MCM4: variants seen among roughly 807,000 people sequenced by gnomAD.
MCM4 encodes the protein minichromosome maintenance complex component 4, also known as DNA replication licensing factor MCM4.
A neutral mutation model predicts 88.7 loss-of-function variants in MCM4; 60 were observed. That is an observed-to-expected ratio of 0.68 (90% CI 0.55 to 0.84). The LOEUF (loss-of-function observed/expected upper bound fraction) is 0.84. Ranked by LOEUF, MCM4 falls within the 40% of genes least tolerant of loss-of-function variation. MCM4 has a pLI of 0.00. For synonymous variants in MCM4, 465 were observed against 410.5 expected (o/e 1.13, Z -1.61); for missense variants, 1,149 against 1,105.5 (o/e 1.04, Z -0.56).
At chr8:47,964,512 GCCTTTATTATATTT>G in intron 7 of MCM4, 48 bp from the exon 8 acceptor site, 1 of 1,309,896 alleles carries the variant, frequency 7.6e-7, no homozygotes, top group Non-Finnish European at 1.0e-6. Flanking sequence ...AATCTGACAT[GCCTTTATTATATTT>G]AACACTGAGA....
intron 13 of MCM4, among the ~76,000 whole-genome samples, 199 bp from the exon 14 acceptor site, chr8:47,972,658 G>A (rs1363981631): frequency 6.6e-6 from 1 of 152,050 alleles, no homozygotes; most frequent in Non-Finnish European, 1.5e-5. Context: ...CCAGGTTCAA[G>A]CGATTCTCCT....
chr8:47,962,065 A>G lies in MCM4; in HGVS notation c.248A>G (p.Asp83Gly), dbSNP rs1320386040. 1 of 1,614,010 alleles carries G rather than the reference A, an allele frequency of 6.2e-7. No homozygotes were observed. The highest frequency in any genetic ancestry group is 2.2e-5 in the East Asian group (1 of 44,886). Residue 83 changes from aspartate (D) to glycine (G), a missense_variant, in exon 4 of 17, where the codon GAC becomes GGC. Around this residue, in one of 3 missense-constraint regions of MCM4, gnomAD observed 906 missense variants for 843.0 expected, o/e 1.07. Transcript: ENST00000649973. ...PQMHSSAIPL[D>G]FDVSSPLTYG... ...TTTGTTTTTATAGCTATCCCTCTTG[A>G]CTTTGATGTTAGTTCACCACTGACA... is the stretch of plus-strand genomic sequence containing the variant.
rs2091005120 is a variant in MCM4, at chr8:47,976,774, T to C, written c.2588T>C (p.Leu863Pro). 6.2e-7 allele frequency: 1 copy of C among 1,608,796 alleles called. No individual in the cohort carries two copies. Among genetic ancestry groups the C allele is most frequent in the Non-Finnish European group, 8.5e-7 (1 of 1,175,572 alleles). The change falls in exon 17 of 17, where the codon CTC (leucine) becomes CCC (proline). Residue 863 changes from leucine (L) to proline (P), a missense_variant. Coordinates refer to ENST00000649973, the MANE Select transcript of MCM4 (RefSeq NM_182746.3). ...LTVTGKTVRLL is the reference protein window; with the variant it reads ...LTVTGKTVRLP ...GTGACTGGGAAGACCGTGCGCTTGC[T>C]CTGAAGCCTTGTGAGCAAGGAAGGC... is the stretch of plus-strand genomic sequence containing the variant.
chr8:47,961,057 G>A (rs1444395921), intron 1 of MCM4, 43 bp downstream of exon 1: 3 of 1,386,230 alleles, frequency 2.2e-6, no homozygotes, highest in African/African-American at 3.0e-5. Context: ...GGAGCCGACG[G>A]GAACGTCCGC....
chr8:47,968,363 G>A (rs1387565826), intron 10 of MCM4, among the ~76,000 whole-genome samples: 1 of 152,220 alleles, frequency 6.6e-6, no homozygotes, highest in Non-Finnish European at 1.5e-5. Flanking sequence ...AGTACTTGAA[G>A]TCATGGAGAA....
Position 47,960,945 on chromosome 8 carries a change from T to G in MCM4, c.-84T>G. On this transcript the variant is annotated 5_prime_UTR_variant, in exon 1 of 17. Coordinates refer to ENST00000649973, the MANE Select transcript of MCM4 (RefSeq NM_182746.3). ...CCGGCGGGAACTCTGGGTCTCGCGG[T>G]TTGGGAGCGCTACTCGCCAGGTGGA... The G allele has an allele frequency of 1.1e-5, 6 of 525,170 alleles. No individual in the cohort carries two copies. Among genetic ancestry groups the G allele is most frequent in the Non-Finnish European group, 1.9e-5 (6 of 312,184 alleles). The allele number at this position is 525,170 out of a possible 1,614,324, so 32.5% of individuals were successfully genotyped here.
rs2090950532 is a variant in MCM4 at position 47,971,174 on chromosome 8, G to A, written c.1801-167G>A. On this transcript the variant is annotated intron_variant, in intron 12 of 16. Coordinates refer to ENST00000649973, the MANE Select transcript of MCM4 (RefSeq NM_182746.3). ...ACTCAGTCCTTGGCATGAATCTGAGGACAGGGCTTATCCAGGTGAACTGCT... is the reference window on the plus strand; with the variant it reads ...ACTCAGTCCTTGGCATGAATCTGAGAACAGGGCTTATCCAGGTGAACTGCT... 6.5e-6 allele frequency: 5 copies of A among 771,214 alleles called. No individual in the cohort carries two copies. In the East Asian group the frequency reaches 1.3e-4, roughly 21 times the overall value. The allele number at this position is 771,214 out of a possible 1,614,324, so 47.8% of individuals were successfully genotyped here.
At position 47,971,304 on chromosome 8, in the gene MCM4, A is replaced by G. The variant is rs753440009; in HGVS notation, c.1801-37A>G. On this transcript the variant is annotated intron_variant, in intron 12 of 16. Coordinates refer to ENST00000649973, the MANE Select transcript of MCM4 (RefSeq NM_182746.3). Reference sequence around the variant, plus strand: ...ACGGTGCTTGTTAATTGCCAGCGTCAGGGAGAGGCTTCTAACTGCACTCTT... The same window carrying G: ...ACGGTGCTTGTTAATTGCCAGCGTCGGGGAGAGGCTTCTAACTGCACTCTT... 1.1e-5 allele frequency: 17 copies of G among 1,611,604 alleles called. No homozygotes were observed. In the Admixed American group the frequency reaches 1.2e-4, roughly 11 times the overall value.
At position 47,969,920 on chromosome 8, in the gene MCM4, G is replaced by A; in HGVS notation, c.1297G>A (p.Asp433Asn). 1 of 1,614,250 alleles carries A rather than the reference G, an allele frequency of 6.2e-7. No homozygotes were observed. The highest frequency in any genetic ancestry group is 8.5e-7 in the Non-Finnish European group (1 of 1,180,052). The part of the protein sequence containing the change: ...KTDAKRLHGL[D>N]EEAEQKLFSE... ...GGATGCAAAACGTCTGCATGGCCTT[G>A]ATGAAGAAGCAGAACAGAAACTTTT... is the stretch of plus-strand genomic sequence containing the variant. Residue 433 changes from aspartate (D) to asparagine (N), a missense_variant, in exon 11 of 17, where the codon GAT becomes AAT. Asp to Asn is a conservative substitution (Grantham distance 23). This residue lies in a region of MCM4 where 906 missense variants were observed against 843.0 expected (regional missense o/e 1.07). Coordinates refer to ENST00000649973, the MANE Select transcript of MCM4 (RefSeq NM_182746.3).
chr8:47,974,984 G>A (rs987195034), intron 15 of MCM4, 22 bp downstream of exon 15: 25 of 1,573,326 alleles, frequency 1.6e-5, no homozygotes, highest in Non-Finnish European at 2.2e-5. Flanking sequence ...TCAGTGAACA[G>A]AAAAGCTTTT....
At chr8:47,963,593 G>T (rs1160895487) in intron 7 of MCM4, among the ~76,000 whole-genome samples, 3 of 152,172 alleles carry the variant, frequency 2.0e-5, no homozygotes, top group Non-Finnish European at 2.9e-5. Context: ...GTAGAAAAAT[G>T]ATGAATCTTA....
chr8:47,977,113 A>G lies in MCM4; in HGVS notation c.*335A>G, dbSNP rs2091008382. ...ACCCCGTCTCTAGTAAAGATAACAA[A>G]AAATTAGCTGGGCTTGATGGCATGC... On this transcript the variant is annotated 3_prime_UTR_variant, in exon 17 of 17. Coordinates refer to ENST00000649973, the MANE Select transcript of MCM4 (RefSeq NM_182746.3). 1.8e-5 allele frequency: 3 copies of G among 170,154 alleles called. No individual in the cohort carries two copies. The South Asian group carries it at 3.9e-4, about 22-fold the overall frequency. The allele number at this position is 170,154 out of a possible 1,614,324, so 10.5% of individuals were successfully genotyped here.
At chr8:47,966,688 A>C (rs2090901662) in intron 9 of MCM4, among the ~76,000 whole-genome samples, 1 of 152,240 alleles carries the variant, frequency 6.6e-6, no homozygotes, top group African/African-American at 2.4e-5. Context: ...AGATGAGAAT[A>C]CTTGGTTAAA....
intron 15 of MCM4, 158 bp from the exon 16 acceptor site, chr8:47,975,556 AG>A: frequency 2.0e-6 from 1 of 488,486 alleles, no homozygotes; most frequent in South Asian, 3.9e-5. Flanking sequence ...AGTGGCTTAC[AG>A]AAATTTCCAA....
At chr8:47,964,169 G>A (rs1435914841) in intron 7 of MCM4, among the ~76,000 whole-genome samples, 2 of 152,214 alleles carry the variant, frequency 1.3e-5, no homozygotes, top group Non-Finnish European at 2.9e-5. Flanking sequence ...GTTGCAGTGA[G>A]CCAAGATCAT....
Position 47,970,696 on chromosome 8 carries a change from A to G in MCM4, c.1620A>G (p.Ala540=), listed in dbSNP as rs2090945632. ...GQYTSGKGSS[A]VGLTAYVMKD... is the part of the protein sequence containing the mutation. ...ACACGTCTGGGAAGGGCTCCAGTGC[A>G]GTTGGCCTCACTGCGTACGTAATGA... Residue 540 remains alanine, a synonymous_variant, in exon 12 of 17, where the codon GCA becomes GCG. Transcript: ENST00000649973. 2 of 1,614,184 alleles carry G rather than the reference A, an allele frequency of 1.2e-6. No homozygotes were observed. Among genetic ancestry groups the G allele is most frequent in the African/African-American group, 1.3e-5 (1 of 75,040 alleles).
chr8:47,968,073 A>G (rs1375732158), intron 10 of MCM4, among the ~76,000 whole-genome samples: 1 of 152,182 alleles, frequency 6.6e-6, no homozygotes, highest in Admixed American at 6.5e-5. Flanking sequence ...TTGCTGCCAC[A>G]AGAGTGCTCT....
Position 47,977,867 on chromosome 8 carries a change from A to G in MCM4, c.*1089A>G, listed in dbSNP as rs2154505592. On this transcript the variant is annotated 3_prime_UTR_variant, in exon 17 of 17. Coordinates refer to ENST00000649973, the MANE Select transcript of MCM4 (RefSeq NM_182746.3). The stretch of plus-strand genomic sequence containing the variant: ...ATTGGAGATTATTAGATTCTAGGTT[A>G]ACTTCTACCACTTTACCCTAATACA... The G allele has an allele frequency of 6.6e-6, 1 of 152,266 alleles. No individual in the cohort carries two copies. Among genetic ancestry groups the G allele is most frequent in the East Asian group, 1.9e-4 (1 of 5,186 alleles). The allele number at this position is 152,266 out of a possible 1,614,324, so 9.4% of individuals were successfully genotyped here.
rs1374455399 is a variant in MCM4 at position 47,962,347 on chromosome 8, C to G, written c.442C>G (p.Gln148Glu). 7 of 1,614,194 alleles carry G rather than the reference C, an allele frequency of 4.3e-6. No individual in the cohort carries two copies. Among genetic ancestry groups the G allele is most frequent in the Non-Finnish European group, 5.9e-6 (7 of 1,180,034 alleles). ...AGTGGCAAGTGAGCAGTCTCTAGGC[C>G]AAAAACTTGTGATCTGGGGAACAGA... ...DIVASEQSLGQKLVIWGTDVN... is the reference protein window; with the variant it reads ...DIVASEQSLGEKLVIWGTDVN... The change falls in exon 5 of 17, where the codon CAA (glutamine) becomes GAA (glutamate). Residue 148 changes from glutamine to glutamate, a missense_variant. Physicochemically the swap from Gln to Glu is conservative, Grantham distance 29. Around this residue, in one of 3 missense-constraint regions of MCM4, gnomAD observed 906 missense variants for 843.0 expected, o/e 1.07. Transcript: ENST00000649973.
Sources: allele counts gnomAD v4.1 joint callset (sites outside exome capture counted in the v4.1 genomes callset), GRCh38; gene constraint gnomAD v4.1.1; regional missense constraint gnomAD v4.1.1; transcripts MANE v1.5; gene names NCBI Gene and HGNC (gene_info 2026-07-23, HGNC 2026-07-21).